Variants in SLC4A4 observed in about 807,000 individuals in gnomAD.
The protein encoded by SLC4A4 is electrogenic sodium bicarbonate cotransporter 1.
In SLC4A4, 27 loss-of-function variants were observed where a neutral mutation model predicts 111.5. The observed-to-expected ratio is 0.24, with a 90% confidence interval of 0.18 to 0.33. The LOEUF is 0.33. Ranked by LOEUF, SLC4A4 falls within the 10% of genes least tolerant of loss-of-function variation. The pLI is 1.00. For missense variants in SLC4A4, 909 were observed against 1,315.5 expected, an observed-to-expected ratio of 0.69 and a Z score of 4.78; for synonymous variants, 443 against 463.4, an observed-to-expected ratio of 0.96 and a Z score of 0.57.
intron 2 of SLC4A4, among the ~76,000 whole-genome samples, chr4:71,127,413 G>C (rs867435165): frequency 5.9e-5 from 9 of 152,238 alleles, no homozygotes; most frequent in Non-Finnish European, 1.2e-4. Context: ...AAATTCTTTT[G>C]AGATGACTTC....
Position 71,216,058 on chromosome 4 carries a change from A to G in SLC4A4, c.-1-20518A>G, listed in dbSNP as rs532148841. Among the ~76,000 whole-genome samples the G allele has an allele frequency of 4.0e-5, 6 of 151,694 alleles. 1 individual carries two copies. The highest frequency in any genetic ancestry group is 1.2e-4 in the African/African-American group (5 of 41,366). On this transcript the variant is annotated intron_variant, in intron 1 of 25. Transcript: ENST00000264485. ...CAAGAAGCTGGGATTACAGGCGTGC[A>G]CCACCAGGCCTGGCTAACTTTTGTA...
chr4:71,182,911 GA>G, upstream of SLC4A4, among the ~76,000 whole-genome samples: 1 of 152,276 alleles, frequency 6.6e-6, no homozygotes, highest in Admixed American at 6.5e-5. Context: ...CTTCCAAACA[GA>G]GAGGTCTGTG....
At chr4:71,256,832 T>A (rs1365694416) in intron 3 of SLC4A4, among the ~76,000 whole-genome samples, 1 of 152,206 alleles carries the variant, frequency 6.6e-6, no homozygotes, top group Non-Finnish European at 1.5e-5. Context: ...CCTGAGCCAG[T>A]GTCAAGTGTT....
intron 1 of SLC4A4, among the ~76,000 whole-genome samples, chr4:71,077,326 A>C (rs1362509743): frequency 6.6e-6 from 1 of 151,782 alleles, no homozygotes; most frequent in Non-Finnish European, 1.5e-5. Context: ...ATGCTCGGCT[A>C]ATTTTTGTAT....
intron 1 of SLC4A4, among the ~76,000 whole-genome samples, chr4:71,228,022 G>A (rs941142112): frequency 1.3e-5 from 2 of 152,144 alleles, no homozygotes; most frequent in Non-Finnish European, 2.9e-5. Context: ...ATATTAAGGA[G>A]CATGTGAGTG....
intron 2 of SLC4A4, among the ~76,000 whole-genome samples, chr4:71,179,259 G>A (rs541433878): frequency 2.6e-5 from 4 of 152,186 alleles, no homozygotes; most frequent in East Asian, 3.9e-4. Context: ...TACTGAATGG[G>A]CAAAAACTGG....
At chr4:71,392,659 T>C (rs537237230) in intron 6 of SLC4A4, among the ~76,000 whole-genome samples, 2 of 152,242 alleles carry the variant, frequency 1.3e-5, no homozygotes, top group South Asian at 4.1e-4. Context: ...AGGAATTTCA[T>C]TCTGTGAAGC....
chr4:71,521,084 A>G (rs1282602799), intron 16 of SLC4A4, among the ~76,000 whole-genome samples: 1 of 152,118 alleles, frequency 6.6e-6, no homozygotes, highest in Non-Finnish European at 1.5e-5. Flanking sequence ...AGCAAAGGAT[A>G]TGCTCAAGTT....
intron 2 of SLC4A4, among the ~76,000 whole-genome samples, chr4:71,128,592 G>A (rs1166760573): frequency 1.3e-5 from 2 of 152,126 alleles, no homozygotes; most frequent in African/African-American, 4.8e-5. Flanking sequence ...AGGTTCAAAT[G>A]ATCCTCCCAC....
At chr4:71,166,582 G>A (rs896715) in intron 2 of SLC4A4, among the ~76,000 whole-genome samples, 151,951 of 152,360 alleles carry the variant, frequency 1, 75,776 homozygotes, top group Middle Eastern at 1. Context: ...GAACTTAGAG[G>A]TATCTGCAGG....
chr4:71,430,048 G>T (rs1723498021), intron 7 of SLC4A4, among the ~76,000 whole-genome samples: 1 of 152,138 alleles, frequency 6.6e-6, no homozygotes, highest in Non-Finnish European at 1.5e-5. Context: ...ACTTGGAAAA[G>T]ATAATGTGTG....
At chr4:71,343,895 G>T (rs929012546) in intron 4 of SLC4A4, among the ~76,000 whole-genome samples, 3 of 152,028 alleles carry the variant, frequency 2.0e-5, no homozygotes, top group Non-Finnish European at 4.4e-5. Flanking sequence ...TGTTCCCTCT[G>T]TCTGAAATGT....
At chr4:71,395,256 G>A (rs1313925023) in intron 6 of SLC4A4, among the ~76,000 whole-genome samples, 4 of 152,096 alleles carry the variant, frequency 2.6e-5, no homozygotes, top group Non-Finnish European at 5.9e-5. Context: ...GTTTGGTAGG[G>A]AGGGGGATGG....
At chr4:71,458,653 A>G (rs995891487) in intron 12 of SLC4A4, among the ~76,000 whole-genome samples, 1 of 152,090 alleles carries the variant, frequency 6.6e-6, no homozygotes. Context: ...TTTTAACATA[A>G]AGCTGTGCTG....
intron 2 of SLC4A4, among the ~76,000 whole-genome samples, chr4:71,248,854 T>C (rs1720863926): frequency 6.6e-6 from 1 of 152,304 alleles, no homozygotes; most frequent in South Asian, 2.1e-4. Context: ...CTATAATTAA[T>C]AGAACTGTTT....
intron 8 of SLC4A4, among the ~76,000 whole-genome samples, chr4:71,447,121 A>G (rs530006663): frequency 6.6e-6 from 1 of 152,324 alleles, no homozygotes; most frequent in African/African-American, 2.4e-5. Context: ...GGCTGTCACC[A>G]TGTGGCTTAC....
chr4:71,158,669 C>A (rs147317005), intron 2 of SLC4A4, among the ~76,000 whole-genome samples: 41 of 152,120 alleles, frequency 2.7e-4, no homozygotes, highest in Non-Finnish European at 5.7e-4. Flanking sequence ...TGTTGGCAGG[C>A]GCTTCTTCTA....
intron 2 of SLC4A4, among the ~76,000 whole-genome samples, chr4:71,174,992 G>T (rs566003548): frequency 1.3e-5 from 2 of 152,222 alleles, no homozygotes; most frequent in East Asian, 3.8e-4. Context: ...TATGAAAGGG[G>T]TTAGACATTC....
At chr4:71,212,519 G>A (rs1443787914) in intron 1 of SLC4A4, among the ~76,000 whole-genome samples, 1 of 152,202 alleles carries the variant, frequency 6.6e-6, no homozygotes, top group Non-Finnish European at 1.5e-5. Context: ...AGAAAAACCA[G>A]ATGGTCACTA....
Sources: allele counts gnomAD v4.1 joint callset (sites outside exome capture counted in the v4.1 genomes callset), GRCh38; gene constraint gnomAD v4.1.1; transcripts MANE v1.5; gene names NCBI Gene and HGNC (gene_info 2026-07-23, HGNC 2026-07-21).